NCKAP5: variants seen among roughly 807,000 people sequenced by gnomAD.
NCKAP5 encodes nck-associated protein 5.
A neutral mutation model predicts 167.0 loss-of-function variants in NCKAP5; 92 were observed. The observed-to-expected ratio is 0.55, with a 90% CI of 0.47 to 0.66. NCKAP5 has a LOEUF of 0.66. NCKAP5 is among the 30% of genes least tolerant of loss of function. The pLI, the probability that NCKAP5 is intolerant of heterozygous loss-of-function variation, is 0.00. For synonymous variants in NCKAP5, 891 were observed against 877.4 expected (o/e 1.02, Z -0.27); for missense variants, 2,378 against 2,315.0 (o/e 1.03, Z -0.56).
intron 6 of NCKAP5, among the ~76,000 whole-genome samples, chr2:133,016,069 A>G (rs774031101): frequency 6.6e-6 from 1 of 150,510 alleles, no homozygotes; most frequent in Non-Finnish European, 1.5e-5. Context: ...GGTGGGAGAG[A>G]GAAAAGAAAT....
chr2:133,579,353 A>G, the NCKAP5 span, among the ~76,000 whole-genome samples: 2 of 152,286 alleles, frequency 1.3e-5, no homozygotes, highest in African/African-American at 4.8e-5. Context: ...CTAAAGAAGG[A>G]GGTTTGTCCG....
chr2:132,676,370 G>C (rs1165169395), intron 19 of NCKAP5, among the ~76,000 whole-genome samples: 1 of 109,768 alleles, frequency 9.1e-6, no homozygotes, highest in East Asian at 3.2e-4. Flanking sequence ...CTTTCTTTTT[G>C]AAGGCCTAGT....
intron 6 of NCKAP5, among the ~76,000 whole-genome samples, chr2:133,026,195 G>GT (rs5834341): frequency 0.55 from 84,149 of 151,706 alleles, 23,623 homozygotes; most frequent in African/African-American, 0.62. Flanking sequence ...ATGGTTTGTG[G>GT]TTTTTTTCTT....
At chr2:133,256,778 T>TA (rs1431279638) in intron 4 of NCKAP5, among the ~76,000 whole-genome samples, 1 of 152,204 alleles carries the variant, frequency 6.6e-6, no homozygotes, top group Non-Finnish European at 1.5e-5. Context: ...TCTAGCACAC[T>TA]AGAGGCCATT....
chr2:132,700,431 T>A (rs1344483098), intron 19 of NCKAP5, among the ~76,000 whole-genome samples: 2 of 152,166 alleles, frequency 1.3e-5, no homozygotes, highest in African/African-American at 4.8e-5. Context: ...TTGCCTAAGT[T>A]TTCTTCTAGG....
the NCKAP5 span, among the ~76,000 whole-genome samples, chr2:133,672,893 A>G: frequency 2.6e-5 from 4 of 152,168 alleles, no homozygotes; most frequent in African/African-American, 9.7e-5. Context: ...ATTACTGCCT[A>G]CACATATTCA....
intron 4 of NCKAP5, among the ~76,000 whole-genome samples, chr2:133,296,300 C>A (rs1458859576): frequency 6.6e-6 from 1 of 152,118 alleles, no homozygotes; most frequent in Non-Finnish European, 1.5e-5. Flanking sequence ...CCTATGATTT[C>A]ATCCCGACAC....
At chr2:133,206,414 A>G (rs1322827193) in intron 5 of NCKAP5, among the ~76,000 whole-genome samples, 1 of 152,104 alleles carries the variant, frequency 6.6e-6, no homozygotes, top group East Asian at 1.9e-4. Context: ...CTTTACTGCA[A>G]TCTCTGAACA....
intron 4 of NCKAP5, chr2:133,269,175 T>C (rs1011536059): frequency 2.0e-5 from 3 of 152,226 alleles, no homozygotes; most frequent in Admixed American, 6.5e-5. Context: ...ATCTCATGTT[T>C]ACTCAATTAT....
intron 12 of NCKAP5, 99 bp downstream of exon 12, chr2:132,796,529 G>A: frequency 1.4e-6 from 1 of 695,924 alleles, no homozygotes; most frequent in Non-Finnish European, 2.5e-6. Context: ...GCCTGACAAT[G>A]CTTCAAGGAT....
intron 5 of NCKAP5, among the ~76,000 whole-genome samples, chr2:133,202,440 G>A (rs1022410572): frequency 2.0e-5 from 3 of 152,104 alleles, no homozygotes; most frequent in African/African-American, 7.2e-5. Context: ...AACCCTAGAA[G>A]AAAACCTAGG....
intron 3 of NCKAP5, among the ~76,000 whole-genome samples, chr2:133,456,344 G>T (rs1265199857): frequency 6.6e-6 from 1 of 152,118 alleles, no homozygotes; most frequent in Non-Finnish European, 1.5e-5. Flanking sequence ...CTCTAAAGGT[G>T]CCTGATTTGG....
At chr2:133,469,311 T>C (rs1055340200) in intron 3 of NCKAP5, among the ~76,000 whole-genome samples, 5 of 152,106 alleles carry the variant, frequency 3.3e-5, no homozygotes, top group African/African-American at 1.2e-4. Flanking sequence ...TTGAAAATTC[T>C]TTTCTTTAAG....
At chr2:133,182,728 T>C (rs1044996408) in intron 5 of NCKAP5, among the ~76,000 whole-genome samples, 1 of 150,842 alleles carries the variant, frequency 6.6e-6, no homozygotes, top group African/African-American at 2.4e-5. Flanking sequence ...AACAACTAAA[T>C]CCAAAGATGT....
At chr2:132,698,367 G>T (rs989179413) in intron 19 of NCKAP5, among the ~76,000 whole-genome samples, 5 of 152,180 alleles carry the variant, frequency 3.3e-5, no homozygotes, top group Admixed American at 1.3e-4. Context: ...ACAAAAGGCA[G>T]ACATACTGGG....
intron 5 of NCKAP5, among the ~76,000 whole-genome samples, chr2:133,180,107 C>T (rs531371877): frequency 6.6e-6 from 1 of 151,956 alleles, no homozygotes; most frequent in Non-Finnish European, 1.5e-5. Context: ...ACCATACCTA[C>T]AGGGTAAAAC....
At chr2:133,406,537 T>C (rs1688442399) in intron 3 of NCKAP5, among the ~76,000 whole-genome samples, 1 of 136,300 alleles carries the variant, frequency 7.3e-6, no homozygotes, top group South Asian at 2.3e-4. Flanking sequence ...TCATTCTTGA[T>C]GTGGCATCAA....
intron 16 of NCKAP5, among the ~76,000 whole-genome samples, chr2:132,735,106 C>T (rs1020222492): frequency 6.6e-6 from 1 of 152,246 alleles, no homozygotes; most frequent in African/African-American, 2.4e-5. Context: ...CTATATAGTT[C>T]TGAGAATCCC....
chr2:133,271,988 CT>C (rs1262394585), intron 4 of NCKAP5, among the ~76,000 whole-genome samples: 1 of 151,884 alleles, frequency 6.6e-6, no homozygotes, highest in East Asian at 1.9e-4. Flanking sequence ...TTATTCTGGT[CT>C]TTTAATTTTT....
Sources: allele counts gnomAD v4.1 joint callset (sites outside exome capture counted in the v4.1 genomes callset), GRCh38; gene constraint gnomAD v4.1.1; transcripts MANE v1.5; gene names NCBI Gene and HGNC (gene_info 2026-07-23, HGNC 2026-07-21).